Variants in CACNA2D1 observed in about 807,000 individuals in gnomAD.
The protein encoded by CACNA2D1 is calcium voltage-gated channel auxiliary subunit alpha2delta 1, also known as voltage-dependent calcium channel subunit alpha-2/delta-1.
CACNA2D1 carries 53 observed loss-of-function variants against 171.5 expected under a neutral mutation model. The observed-to-expected ratio is 0.31, with a 90% CI of 0.25 to 0.39. CACNA2D1 has a LOEUF of 0.39. CACNA2D1 is among the 10% of genes least tolerant of loss of function. CACNA2D1 has a pLI of 1.00. For missense variants in CACNA2D1, 903 were observed against 1,299.8 expected, an observed-to-expected ratio of 0.69 and a Z score of 4.69; for synonymous variants, 442 against 443.1, an observed-to-expected ratio of 1.00 and a Z score of 0.03.
chr7:82,100,760 A>G (rs919389542), intron 6 of CACNA2D1, among the ~76,000 whole-genome samples: 2 of 152,100 alleles, frequency 1.3e-5, no homozygotes, highest in African/African-American at 4.8e-5. Flanking sequence ...AAATATTTCA[A>G]TTTTGAGAAT....
chr7:82,080,180 T>TA (rs1396381473), intron 7 of CACNA2D1, among the ~76,000 whole-genome samples: 2 of 151,188 alleles, frequency 1.3e-5, no homozygotes, highest in Admixed American at 6.6e-5. Flanking sequence ...TGTATATATA[T>TA]AAAAATAAAT....
intron 4 of CACNA2D1, among the ~76,000 whole-genome samples, chr7:82,140,151 T>C (rs2129085643): frequency 6.6e-6 from 1 of 152,072 alleles, no homozygotes; most frequent in East Asian, 1.9e-4. Context: ...ATGGTCAAAA[T>C]ATCAATGAAA....
chr7:82,147,435 G>A (rs1158225220), intron 4 of CACNA2D1, among the ~76,000 whole-genome samples: 2 of 152,076 alleles, frequency 1.3e-5, no homozygotes, highest in Admixed American at 6.6e-5. Flanking sequence ...CCTCATTCCA[G>A]AACTGAACAA....
chr7:81,969,186 G>A (rs1005910959), intron 28 of CACNA2D1, among the ~76,000 whole-genome samples: 2 of 151,178 alleles, frequency 1.3e-5, no homozygotes, highest in African/African-American at 4.8e-5. Flanking sequence ...ATTGATTCGG[G>A]GACATTAATT....
In CACNA2D1 at chr7:81,982,591, G is replaced by C; in HGVS notation, c.1931C>G (p.Ser644Cys). Residue 644 changes from serine to cysteine, a missense_variant, in exon 24 of 39, where the codon TCT becomes TGT. Physicochemically the swap from Ser to Cys is moderately radical, Grantham distance 112. Transcript: ENST00000356860. Reference protein sequence around the residue: ...ETLKPDNFEESGYTFIAPRDY... With the variant: ...ETLKPDNFEECGYTFIAPRDY... ...CCTTGGTGCTATGAATGTATAGCCA[G>C]ATTCTTCAAAATTATCTGGCTTCAG... The C allele has an allele frequency of 4.4e-6, 7 of 1,607,930 alleles. 1 individual carries two copies. The South Asian group carries it at 6.6e-5, about 15-fold the overall frequency.
intron 3 of CACNA2D1, among the ~76,000 whole-genome samples, chr7:82,213,044 G>C (rs954853955): frequency 6.7e-6 from 1 of 149,750 alleles, no homozygotes; most frequent in African/African-American, 2.4e-5. Flanking sequence ...GGGATTACTG[G>C]TGCCCACACC....
intron 10 of CACNA2D1, among the ~76,000 whole-genome samples, chr7:82,042,751 C>CTGT (rs1804114228): frequency 6.6e-6 from 1 of 152,162 alleles, no homozygotes; most frequent in African/African-American, 2.4e-5. Flanking sequence ...ACTATATGTA[C>CTGT]TGTTCCTCTG....
intron 3 of CACNA2D1, among the ~76,000 whole-genome samples, chr7:82,298,282 A>G (rs1812550926): frequency 6.6e-6 from 1 of 152,194 alleles, no homozygotes; most frequent in African/African-American, 2.4e-5. Context: ...ACTAGTATAT[A>G]TAAAAGGACT....
chr7:81,987,229 A>G (rs573367301), intron 21 of CACNA2D1, among the ~76,000 whole-genome samples: 1 of 152,320 alleles, frequency 6.6e-6, no homozygotes, highest in Non-Finnish European at 1.5e-5. Context: ...TTTTCAACAT[A>G]TAGTCAGATA....
intron 19 of CACNA2D1, among the ~76,000 whole-genome samples, chr7:81,995,702 G>A (rs962408062): frequency 4.6e-5 from 7 of 151,730 alleles, no homozygotes; most frequent in East Asian, 1.9e-4. Context: ...GGGAAGCTGA[G>A]GCAGGAGAAT....
Position 81,983,328 on chromosome 7 carries a change from T to G in CACNA2D1, c.1880A>C (p.Lys627Thr). 1 of 1,609,426 alleles carries G rather than the reference T, an allele frequency of 6.2e-7. No individual in the cohort carries two copies. Among genetic ancestry groups the G allele is most frequent in the Non-Finnish European group, 8.5e-7 (1 of 1,176,670 alleles). Residue 627 changes from lysine (K) to threonine (T), a missense_variant, in exon 23 of 39, where the codon AAG (lysine) becomes ACG (threonine). Coordinates refer to ENST00000356860, the MANE Select transcript of CACNA2D1 (RefSeq NM_000722.4). ...EETITQARSKKGKMKDSETLK... is the reference protein window; with the variant it reads ...EETITQARSKTGKMKDSETLK... ...AAAATACTTGCCCTTCATTTTGCCC[T>G]TTTTTGCTGTGAAAATCCATCAGAA...
chr7:82,236,605 T>A (rs1196764625), intron 3 of CACNA2D1, among the ~76,000 whole-genome samples: 1 of 152,064 alleles, frequency 6.6e-6, no homozygotes, highest in Non-Finnish European at 1.5e-5. Context: ...ATCAGAAAAA[T>A]TGACTTAGAG....
At chr7:82,042,125 A>G (rs1804036324) in intron 10 of CACNA2D1, among the ~76,000 whole-genome samples, 1 of 152,224 alleles carries the variant, frequency 6.6e-6, no homozygotes, top group South Asian at 2.1e-4. Flanking sequence ...ATGTACAGAA[A>G]GGAATAACTT....
chr7:82,177,755 G>T (rs1032355919), intron 3 of CACNA2D1, among the ~76,000 whole-genome samples: 1 of 152,038 alleles, frequency 6.6e-6, no homozygotes, highest in Non-Finnish European at 1.5e-5. Context: ...GATGCAATTT[G>T]AAAGATTCTA....
At chr7:82,144,485 C>A (rs1158966589) in intron 4 of CACNA2D1, among the ~76,000 whole-genome samples, 1 of 151,846 alleles carries the variant, frequency 6.6e-6, no homozygotes, top group Non-Finnish European at 1.5e-5. Context: ...AGGTAATTTG[C>A]AAAATGCAAC....
chr7:82,067,391 C>T (rs888241734), intron 7 of CACNA2D1, among the ~76,000 whole-genome samples: 1 of 152,094 alleles, frequency 6.6e-6, no homozygotes, highest in Admixed American at 6.5e-5. Flanking sequence ...CAATCAATTT[C>T]GCTTTTCTGA....
Position 82,315,609 on chromosome 7 carries a change from T to A in CACNA2D1, c.294+19526A>T, listed in dbSNP as rs547668964. Among the ~76,000 whole-genome samples, 35 of 152,022 alleles carry A rather than the reference T, an allele frequency of 2.3e-4. 1 individual carries two copies. The South Asian group carries it at 6.6e-3, about 29-fold the overall frequency. ...AATGTTGCAAATAAAAAGAAAGGTATGCCAGAAAAAAAATCAGGTAAGATA... is the reference window on the plus strand; with the variant it reads ...AATGTTGCAAATAAAAAGAAAGGTAAGCCAGAAAAAAAATCAGGTAAGATA... On this transcript the variant is annotated intron_variant, in intron 3 of 38. Coordinates refer to ENST00000356860, the MANE Select transcript of CACNA2D1 (RefSeq NM_000722.4).
intron 3 of CACNA2D1, among the ~76,000 whole-genome samples, chr7:82,180,478 G>A (rs1261662357): frequency 6.6e-6 from 1 of 152,154 alleles, no homozygotes; most frequent in Non-Finnish European, 1.5e-5. Context: ...TGAAATTGTG[G>A]TCGGCTAGCT....
chr7:82,281,985 T>C (rs968077393), intron 3 of CACNA2D1, among the ~76,000 whole-genome samples: 1 of 151,998 alleles, frequency 6.6e-6, no homozygotes, highest in African/African-American at 2.4e-5. Context: ...AGAAAAAAAC[T>C]CCATGTGCCA....
Sources: gnomAD v4.1 joint callset for allele counts (sites outside exome capture counted in the v4.1 genomes callset) on GRCh38, gnomAD v4.1.1 for gene constraint, MANE v1.5 for transcripts, NCBI Gene and HGNC (gene_info 2026-07-23, HGNC 2026-07-21) for gene names.